Variants in FN3K observed in about 807,000 individuals in gnomAD.
FN3K encodes fructosamine 3 kinase.
FN3K carries 24 observed loss-of-function variants against 24.8 expected under a neutral mutation model. The ratio of observed to expected loss-of-function variants is 0.97; its 90% CI spans 0.70 to 1.36. The LOEUF (loss-of-function observed/expected upper bound fraction) is 1.36. Among genes scored for constraint, FN3K ranks in the 40% most tolerant of loss-of-function variants. The pLI, the probability that FN3K is intolerant of heterozygous loss-of-function variation, is 0.00. For missense variants in FN3K, 449 were observed against 416.7 expected, an observed-to-expected ratio of 1.08 and a Z score of -0.67; for synonymous variants, 192 against 175.2, an observed-to-expected ratio of 1.10 and a Z score of -0.76.
intron 4 of FN3K, among the ~76,000 whole-genome samples, chr17:82,743,001 C>A (rs2046949282): frequency 6.6e-6 from 1 of 152,166 alleles, no homozygotes; most frequent in African/African-American, 2.4e-5. Flanking sequence ...CACATCTGGG[C>A]TCGCTAGAAC....
At chr17:82,738,945 T>C (rs1304760781) in intron 2 of FN3K, among the ~76,000 whole-genome samples, 2 of 79,510 alleles carry the variant, frequency 2.5e-5, no homozygotes, top group Non-Finnish European at 4.9e-5. Context: ...TATATATATA[T>C]ATTTTTTTTT....
At chr17:82,747,469 C>T (rs2046975061) in intron 4 of FN3K, among the ~76,000 whole-genome samples, 1 of 152,114 alleles carries the variant, frequency 6.6e-6, no homozygotes, top group African/African-American at 2.4e-5. Context: ...GGCACAATCT[C>T]AGCTCACTGC....
At position 82,740,773 on chromosome 17, in the gene FN3K, A is replaced by C. The variant is rs765332597; in HGVS notation, c.304A>C (p.Lys102Gln). The C allele has an allele frequency of 1.2e-6, 2 of 1,613,300 alleles. No homozygotes were observed. Among genetic ancestry groups the C allele is most frequent in the Admixed American group, 3.3e-5 (2 of 59,998 alleles). Residue 102 changes from lysine to glutamine, a missense_variant, in exon 3 of 6, where the codon AAA (lysine) becomes CAA (glutamine). Physicochemically the swap from Lys to Gln is moderately conservative, Grantham distance 53 (BLOSUM62 1). Coordinates refer to ENST00000300784, the MANE Select transcript of FN3K (RefSeq NM_022158.4). ...KMKSLSSQAS[K>Q]LGEQMADLHL... ...TTCTTCTTTCCTCAGTCAAGCATCA[A>C]AACTTGGAGAGCAGATGGCAGATTT...
At chr17:82,743,400 C>G (rs773715470) in intron 4 of FN3K, among the ~76,000 whole-genome samples, 1 of 152,212 alleles carries the variant, frequency 6.6e-6, no homozygotes, top group Non-Finnish European at 1.5e-5. Flanking sequence ...AAGGGTGAGG[C>G]GCCAGGGAGG....
intron 5 of FN3K, among the ~76,000 whole-genome samples, chr17:82,750,060 A>G (rs768550980): frequency 7.9e-5 from 12 of 152,246 alleles, no homozygotes; most frequent in Non-Finnish European, 1.5e-4. Flanking sequence ...TCCCTCTCAA[A>G]GAAAAAAACA....
At chr17:82,738,362 C>A in intron 1 of FN3K, 127 bp from the exon 2 acceptor site, 2 of 1,341,034 alleles carry the variant, frequency 1.5e-6, no homozygotes, top group East Asian at 2.3e-5. Context: ...CGCCAGCTCC[C>A]AGCCAGAGCC....
intron 1 of FN3K, chr17:82,736,024 C>T (rs889401664): frequency 9.0e-5 from 44 of 486,324 alleles, no homozygotes; most frequent in Non-Finnish European, 1.8e-5. Context: ...TTTAACTTTC[C>T]TATCCAGCAA....
At position 82,741,376 on chromosome 17, in the gene FN3K, T is replaced by C. The variant is rs147570224; in HGVS notation, c.451T>C (p.Cys151Arg). Residue 151 changes from cysteine (C) to arginine (R), a missense_variant, in exon 4 of 6, where the codon TGC becomes CGC. Physicochemically the swap from Cys to Arg is radical, Grantham distance 180 (BLOSUM62 -3). Coordinates refer to ENST00000300784, the MANE Select transcript of FN3K (RefSeq NM_022158.4). Reference protein sequence around the residue: ...DKFGFHTVTCCGFIPQVNEWQ... With the variant: ...DKFGFHTVTCRGFIPQVNEWQ... The stretch of plus-strand genomic sequence containing the variant: ...GTTCGGCTTCCACACGGTGACGTGC[T>C]GCGGCTTCATCCCGCAGGTGAGTGC... 4 of 1,613,526 alleles carry C rather than the reference T, an allele frequency of 2.5e-6. No homozygotes were observed. In the African/African-American group the frequency reaches 5.3e-5, roughly 22 times the overall value.
rs2143667523 is a variant in FN3K, at chr17:82,751,032, CCCCGTCCCCGTCTCCGTT to C, written c.*281_*298del. ...CCCATCTCCGTCCCCGTCCCCCCTG[CCCCGTCCCCGTCTCCGTT>C]CCCCCGTCCCCATCCTCCATCCCCG... On this transcript the variant is annotated 3_prime_UTR_variant, in exon 6 of 6. Transcript: ENST00000300784. 1.6e-5 allele frequency: 2 copies of C among 125,632 alleles called. No homozygotes were observed. The highest frequency in any genetic ancestry group is 3.2e-4 in the African/African-American group (2 of 6,160). The allele number at this position is 125,632 out of a possible 1,614,324, so 7.8% of individuals were successfully genotyped here.
intron 5 of FN3K, chr17:82,749,312 C>A: frequency 2.6e-6 from 1 of 390,392 alleles, no homozygotes; most frequent in Non-Finnish European, 4.9e-6. Context: ...TCCACTCCAT[C>A]GTGTTCCTCT....
chr17:82,738,245 A>T, intron 1 of FN3K: 1 of 542,782 alleles, frequency 1.8e-6, no homozygotes, highest in Non-Finnish European at 3.3e-6. Flanking sequence ...TCCTCCTGTC[A>T]CAGCAGCCTG....
chr17:82,749,263 G>T, intron 5 of FN3K: 1 of 501,566 alleles, frequency 2.0e-6, no homozygotes, highest in Non-Finnish European at 3.7e-6. Flanking sequence ...AAATGGTGGT[G>T]TTTACCATGA....
At chr17:82,742,768 C>A (rs1368854891) in intron 4 of FN3K, 3 of 450,936 alleles carry the variant, frequency 6.7e-6, no homozygotes. Flanking sequence ...GAACACAGCA[C>A]CCATTATATA....
intron 3 of FN3K, 177 bp from the exon 4 acceptor site, chr17:82,741,134 T>C: frequency 1.4e-6 from 1 of 705,712 alleles, no homozygotes; most frequent in Non-Finnish European, 2.5e-6. Context: ...CTAGTGTGCT[T>C]GAGGTAGGAG....
chr17:82,748,726 TTA>T, intron 4 of FN3K, 127 bp from the exon 5 acceptor site: 1 of 1,441,284 alleles, frequency 6.9e-7, no homozygotes, highest in Admixed American at 1.7e-5. Context: ...GTTGAGTATT[TTA>T]TGTTTCTGTC....
At chr17:82,748,815 T>C (rs770658046) in intron 4 of FN3K, 40 bp from the exon 5 acceptor site, 2 of 1,611,508 alleles carry the variant, frequency 1.2e-6, no homozygotes, top group Non-Finnish European at 1.7e-6. Context: ...AGCACTTGGC[T>C]CCGAATTGCA....
At position 82,750,719 on chromosome 17, in the gene FN3K, CCCTT is replaced by C; in HGVS notation, c.899_902del (p.Ser300TrpfsTer?). ...ACCACTTCGGGCGGGAGTACAGGAG[CCCTT>C]CCTTGGGCACCATGCGAAGGCTGCT... On this transcript the variant is annotated frameshift_variant, in exon 6 of 6. Transcript: ENST00000300784. LOFTEE classifies it high-confidence loss of function. 5.6e-6 allele frequency: 9 copies of C among 1,613,638 alleles called. No homozygotes were observed. The highest frequency in any genetic ancestry group is 7.6e-6 in the Non-Finnish European group (9 of 1,179,980).
At chr17:82,744,232 C>A (rs1445108138) in intron 4 of FN3K, among the ~76,000 whole-genome samples, 1 of 152,102 alleles carries the variant, frequency 6.6e-6, no homozygotes, top group Non-Finnish European at 1.5e-5. Context: ...CGGTCCTCCC[C>A]GAAGGAGTTT....
chr17:82,750,849 C>T lies in FN3K; in HGVS notation c.*94C>T. ...CCGTCCCTGTGCCCCCGTCCCTGTC[C>T]CCCTGTTCCCGTCTCCCCGTCCCTC... is the stretch of plus-strand genomic sequence containing the variant. On this transcript the variant is annotated 3_prime_UTR_variant, in exon 6 of 6. Coordinates refer to ENST00000300784, the MANE Select transcript of FN3K (RefSeq NM_022158.4). 1 of 966,858 alleles carries T rather than the reference C, an allele frequency of 1.0e-6. No individual in the cohort carries two copies. Among genetic ancestry groups the T allele is most frequent in the Non-Finnish European group, 1.5e-6 (1 of 673,114 alleles). 59.9% of individuals were successfully genotyped at this position (966,858 alleles called of 1,614,324 possible). A position where few individuals can be genotyped will look rare whatever the true frequency, so the allele number is the denominator to read the frequency against.
Sources: allele counts gnomAD v4.1 joint callset (sites outside exome capture counted in the v4.1 genomes callset), GRCh38; gene constraint gnomAD v4.1.1; transcripts MANE v1.5; gene names NCBI Gene and HGNC (gene_info 2026-07-23, HGNC 2026-07-21).